Variants in COL27A1 observed in about 807,000 individuals in gnomAD.
COL27A1 encodes collagen type XXVII alpha 1 chain.
COL27A1 carries 106 observed loss-of-function variants against 251.3 expected under a neutral mutation model. The ratio of observed to expected loss-of-function variants is 0.42; its 90% CI spans 0.36 to 0.50. The LOEUF is 0.50. COL27A1 is among the 20% of genes least tolerant of loss of function. COL27A1 has a pLI of 0.00. For synonymous variants in COL27A1, 1,000 were observed against 986.3 expected, an observed-to-expected ratio of 1.01 and a Z score of -0.26; for missense variants, 2,325 against 2,522.8, an observed-to-expected ratio of 0.92 and a Z score of 1.68.
At position 114,288,437 on chromosome 9, in the gene COL27A1, C is replaced by A; in HGVS notation, c.3988-18C>A. 6.2e-7 allele frequency: 1 copy of A among 1,608,726 alleles called. No homozygotes were observed. Among genetic ancestry groups the A allele is most frequent in the East Asian group, 2.2e-5 (1 of 44,744 alleles). On this transcript the variant is annotated intron_variant, in intron 41 of 60. Transcript: ENST00000356083. ...CAGGAGCAGGCGGTTTGCCCTAAAG[C>A]TGGTTCTGTGTCCACAGGGGGAGCA...
At chr9:114,256,969 C>T (rs756769640) in intron 27 of COL27A1, among the ~76,000 whole-genome samples, 10 of 152,168 alleles carry the variant, frequency 6.6e-5, no homozygotes, top group African/African-American at 2.2e-4. Flanking sequence ...CTCCACCATC[C>T]GGGAGTCAGA....
intron 10 of COL27A1, among the ~76,000 whole-genome samples, chr9:114,209,115 G>T (rs571544671): frequency 3.3e-5 from 5 of 152,336 alleles, no homozygotes; most frequent in Admixed American, 2.0e-4. Context: ...TCCAGTGTGG[G>T]TGGTGACAAT....
chr9:114,195,697 A>T (rs1391353185), intron 6 of COL27A1, among the ~76,000 whole-genome samples: 2 of 152,176 alleles, frequency 1.3e-5, no homozygotes, highest in Non-Finnish European at 2.9e-5. Flanking sequence ...ATCGGAACCC[A>T]TTCTTCAAGT....
intron 45 of COL27A1, 117 bp from the exon 46 acceptor site, chr9:114,289,941 C>A: frequency 8.5e-7 from 1 of 1,178,896 alleles, no homozygotes; most frequent in Non-Finnish European, 1.3e-6. Context: ...TTGGGTACAT[C>A]TGTGGCATCA....
At chr9:114,286,179 T>G (rs554891300) in intron 41 of COL27A1, among the ~76,000 whole-genome samples, 1 of 152,168 alleles carries the variant, frequency 6.6e-6, no homozygotes, top group African/African-American at 2.4e-5. Context: ...GTCCCATGAA[T>G]GAACAGCCAC....
intron 14 of COL27A1, among the ~76,000 whole-genome samples, chr9:114,223,496 GA>G (rs1468238651): frequency 2.0e-5 from 3 of 152,272 alleles, no homozygotes; most frequent in Non-Finnish European, 4.4e-5. Context: ...CAGGAGGTGA[GA>G]GCTCTCTGTG....
Position 114,236,050 on chromosome 9 carries a change from G to T in COL27A1, c.2619+398G>T, listed in dbSNP as rs182728316. 1.1e-4 allele frequency among the ~76,000 whole-genome samples: 16 copies of T among 151,962 alleles called. No homozygotes were observed. The East Asian group carries it at 3.1e-3, about 30-fold the overall frequency. ...ATATTCTCCTGCTCCCCGCCTTACAGCTCTGCACTCCAGCCCCACTGAACC... is the reference window on the plus strand; with the variant it reads ...ATATTCTCCTGCTCCCCGCCTTACATCTCTGCACTCCAGCCCCACTGAACC... On this transcript the variant is annotated intron_variant, in intron 17 of 60. Transcript: ENST00000356083.
At chr9:114,209,342 G>A (rs2060133) in intron 10 of COL27A1, 29 of 582,028 alleles carry the variant, frequency 5.0e-5, no homozygotes, top group Middle Eastern at 5.1e-4. Context: ...GCTTGGTGCC[G>A]TGCTAGCATC....
rs767404590 is a variant in COL27A1, at chr9:114,183,057, C to T, written c.1998C>T (p.Pro666=). Reference sequence around the variant, plus strand: ...GGCCTTATGGAAATCCAGGTCTCCCCGGCCCTCCTGGAGCCAAAGTGAGTA... The same window carrying T: ...GGCCTTATGGAAATCCAGGTCTCCCTGGCCCTCCTGGAGCCAAAGTGAGTA... ...PPGPYGNPGL[P]GPPGAKGQKG... The change falls in exon 5 of 61, where the codon CCC becomes CCT. Residue 666 remains proline (P), a synonymous_variant. Transcript: ENST00000356083. The T allele has an allele frequency of 1.7e-5, 28 of 1,613,318 alleles. No individual in the cohort carries two copies. The highest frequency in any genetic ancestry group is 4.5e-5 in the East Asian group (2 of 44,878).
At chr9:114,287,797 C>T (rs1403561091) in intron 41 of COL27A1, among the ~76,000 whole-genome samples, 3 of 152,290 alleles carry the variant, frequency 2.0e-5, no homozygotes, top group Non-Finnish European at 2.9e-5. Context: ...AAGCTGGTTC[C>T]TCCCAGCAAG....
At chr9:114,289,156 A>AC in intron 44 of COL27A1, 86 bp from the exon 45 acceptor site, 1 of 316,340 alleles carries the variant, frequency 3.2e-6, no homozygotes, top group South Asian at 2.9e-5. Flanking sequence ...ACCCCTCCCC[A>AC]CCCCTCCCCC....
Position 114,289,292 on chromosome 9 carries a change from A to C in COL27A1, c.4203A>C (p.Ala1401=), listed in dbSNP as rs1827743104. ...CGGGACCCAAAGGATCGAAAGGCGC[A>C]GAGGTAAGAGGGCCGGGGGTTCAGC... The part of the protein sequence containing the change: ...GWPGPKGSKG[A]EGPKGKQGKA... The change falls in exon 45 of 61, where the codon GCA becomes GCC. Residue 1401 remains alanine (A), a synonymous_variant. Coordinates refer to ENST00000356083, the MANE Select transcript of COL27A1 (RefSeq NM_032888.4). The C allele has an allele frequency of 1.3e-6, 2 of 1,586,452 alleles. No homozygotes were observed. The highest frequency in any genetic ancestry group is 2.3e-5 in the South Asian group (2 of 86,446).
At chr9:114,187,025 G>T (rs964796790) in intron 5 of COL27A1, among the ~76,000 whole-genome samples, 1 of 152,218 alleles carries the variant, frequency 6.6e-6, no homozygotes, top group African/African-American at 2.4e-5. Context: ...TCTCTGGTCT[G>T]GTCCACTTGG....
chr9:114,277,782 C>T (rs916487697), intron 37 of COL27A1, among the ~76,000 whole-genome samples: 7 of 152,198 alleles, frequency 4.6e-5, no homozygotes, highest in Admixed American at 4.6e-4. Context: ...CACCCGCCCC[C>T]TGCCCTCTCT....
Position 114,169,000 on chromosome 9 carries a change from C to T in COL27A1, c.1445C>T (p.Pro482Leu). The change falls in exon 3 of 61, where the codon CCC becomes CTC. Residue 482 changes from proline to leucine, a missense_variant. This residue lies in a region of COL27A1 where 1,183 missense variants were observed against 1,144.1 expected (regional missense o/e 1.03). Transcript: ENST00000356083. ...ASARTSTHKP[P>L]PFTALSSSPA... Reference sequence around the variant, plus strand: ...GCCCGCACCAGCACCCACAAACCTCCCCCATTTACTGCTTTATCCTCATCT... The same window carrying T: ...GCCCGCACCAGCACCCACAAACCTCTCCCATTTACTGCTTTATCCTCATCT... 1 of 1,614,174 alleles carries T rather than the reference C, an allele frequency of 6.2e-7. No homozygotes were observed. Among genetic ancestry groups the T allele is most frequent in the Non-Finnish European group, 8.5e-7 (1 of 1,180,040 alleles).
intron 3 of COL27A1, among the ~76,000 whole-genome samples, chr9:114,171,289 A>T (rs1849304442): frequency 6.6e-6 from 1 of 152,030 alleles, no homozygotes; most frequent in Non-Finnish European, 1.5e-5. Context: ...AGCACGGAGG[A>T]GGTGGAGTTG....
intron 58 of COL27A1, 50 bp downstream of exon 58, chr9:114,306,738 G>A: frequency 1.9e-6 from 3 of 1,590,972 alleles, no homozygotes; most frequent in Non-Finnish European, 2.6e-6. Flanking sequence ...TGGGGAGCTG[G>A]GGCAGGTGGA....
intron 2 of COL27A1, among the ~76,000 whole-genome samples, chr9:114,163,745 G>A (rs556414779): frequency 1.3e-5 from 2 of 152,324 alleles, no homozygotes; most frequent in African/African-American, 4.8e-5. Flanking sequence ...GTGCCCGGAA[G>A]AGACTTCTGC....
Position 114,162,069 on chromosome 9 carries a change from G to A in COL27A1, c.63-646G>A, listed in dbSNP as rs145903135. Among the ~76,000 whole-genome samples the A allele has an allele frequency of 9.3e-3, 1,420 of 152,334 alleles. 25 individuals carry two copies. Among genetic ancestry groups the A allele is most frequent in the African/African-American group, 0.032 (1,339 of 41,572 alleles). On this transcript the variant is annotated intron_variant, in intron 1 of 60. Transcript: ENST00000356083. ...ATAAGTGACAAGGCCAGGTTTGCAC[G>A]TGGCTCTGTCTAACTCCCCCTCGTC...
Sources: allele counts gnomAD v4.1 joint callset (sites outside exome capture counted in the v4.1 genomes callset), GRCh38; gene constraint gnomAD v4.1.1; regional missense constraint gnomAD v4.1.1; transcripts MANE v1.5; gene names NCBI Gene and HGNC (gene_info 2026-07-23, HGNC 2026-07-21).